Variants in CDH18 observed in about 807,000 individuals in gnomAD.
CDH18 encodes the protein cadherin-18.
In CDH18, 31 loss-of-function variants were observed where a neutral mutation model predicts 67.9. The observed-to-expected ratio is 0.46, with a 90% CI of 0.34 to 0.62. The LOEUF is 0.62. Ranked by LOEUF, CDH18 falls within the 20% of genes least tolerant of loss-of-function variation. The pLI, the probability that CDH18 is intolerant of heterozygous loss-of-function variation, is 0.01. For missense variants in CDH18, 890 were observed against 975.5 expected (o/e 0.91, Z 1.17); for synonymous variants, 362 against 347.2 (o/e 1.04, Z -0.48).
chr5:19,845,334 C>T (rs867958764), intron 2 of CDH18, among the ~76,000 whole-genome samples: 7 of 152,138 alleles, frequency 4.6e-5, no homozygotes, highest in Middle Eastern at 3.4e-3. Context: ...GTTTTTATTT[C>T]GCTATTTATT....
intron 1 of CDH18, among the ~76,000 whole-genome samples, chr5:20,468,126 T>C (rs149814652): frequency 0.012 from 1,762 of 152,178 alleles, 33 homozygotes; most frequent in African/African-American, 0.04. Flanking sequence ...GTGAATCTCC[T>C]GCCTTAGCCT....
intron 2 of CDH18, among the ~76,000 whole-genome samples, chr5:19,934,872 C>T (rs1403790343): frequency 6.6e-6 from 1 of 151,186 alleles, no homozygotes. Flanking sequence ...TTATTTTATC[C>T]TAAGTCCTGA....
At chr5:19,557,529 A>G in intron 8 of CDH18, among the ~76,000 whole-genome samples, 1 of 152,124 alleles carries the variant, frequency 6.6e-6, no homozygotes, top group South Asian at 2.1e-4. Flanking sequence ...AGCAGTTAAA[A>G]AAGACAGAGG....
At chr5:19,630,731 C>T (rs1752303779) in intron 5 of CDH18, among the ~76,000 whole-genome samples, 1 of 152,072 alleles carries the variant, frequency 6.6e-6, no homozygotes, top group Non-Finnish European at 1.5e-5. Flanking sequence ...AAGAAAGTAA[C>T]ATAATGCAGA....
At chr5:19,686,920 A>T (rs1761173636) in intron 5 of CDH18, among the ~76,000 whole-genome samples, 1 of 152,194 alleles carries the variant, frequency 6.6e-6, no homozygotes, top group African/African-American at 2.4e-5. Flanking sequence ...TAGTTTCAAA[A>T]TGGCTGACTA....
rs1246739289 is a variant in CDH18, at chr5:20,393,384, TTTG to T, written c.-579-137882_-579-137880del. 6.6e-5 allele frequency among the ~76,000 whole-genome samples: 10 copies of T among 152,096 alleles called. No individual in the cohort carries two copies. The South Asian group carries it at 1.2e-3, about 19-fold the overall frequency. On this transcript the variant is annotated intron_variant, in intron 1 of 14. Transcript: ENST00000507958. ...ACATAGAATATGTTAATGAAAGGGTTTTGTTGTTGTTATTTTTTAAATAACTAA... is the reference window on the plus strand; with the variant it reads ...ACATAGAATATGTTAATGAAAGGGTTTTGTTGTTATTTTTTAAATAACTAA...
chr5:20,081,918 G>A (rs1216055767), intron 2 of CDH18, among the ~76,000 whole-genome samples: 2 of 152,012 alleles, frequency 1.3e-5, no homozygotes, highest in Non-Finnish European at 2.9e-5. Flanking sequence ...TTACAAACCT[G>A]AACATGTACC....
intron 4 of CDH18, among the ~76,000 whole-genome samples, chr5:19,724,512 TACACACACAC>T (rs34923644): frequency 5.0e-4 from 74 of 148,888 alleles, no homozygotes; most frequent in Admixed American, 1.6e-3. Context: ...CACACAGACA[TACACACACAC>T]ACACACACAC....
chr5:19,580,205 TG>T (rs1390499001), intron 7 of CDH18, among the ~76,000 whole-genome samples: 1 of 151,904 alleles, frequency 6.6e-6, no homozygotes, highest in Non-Finnish European at 1.5e-5. Context: ...ATAAATCCTT[TG>T]GCTGAATTTA....
intron 9 of CDH18, among the ~76,000 whole-genome samples, chr5:19,543,255 G>A (rs1298120438): frequency 1.3e-5 from 2 of 151,746 alleles, no homozygotes; most frequent in Non-Finnish European, 2.9e-5. Flanking sequence ...GAAGTATTAC[G>A]GATATATATT....
At chr5:20,075,596 T>C (rs1743858556) in intron 2 of CDH18, among the ~76,000 whole-genome samples, 1 of 152,100 alleles carries the variant, frequency 6.6e-6, no homozygotes, top group Non-Finnish European at 1.5e-5. Flanking sequence ...GCATTTTACG[T>C]CAAAAAAGAA....
intron 1 of CDH18, among the ~76,000 whole-genome samples, chr5:20,527,076 T>C (rs142140139): frequency 4.7e-4 from 71 of 152,164 alleles, no homozygotes; most frequent in Non-Finnish European, 8.8e-4. Context: ...AATTACCTGA[T>C]AGAGCTGAGA....
intron 7 of CDH18, among the ~76,000 whole-genome samples, chr5:19,589,756 C>T (rs1296957854): frequency 6.6e-6 from 1 of 152,066 alleles, no homozygotes; most frequent in South Asian, 2.1e-4. Flanking sequence ...ATTCCTCATT[C>T]CCTCTACTCT....
chr5:19,970,343 T>G (rs1797904896), intron 2 of CDH18, among the ~76,000 whole-genome samples: 1 of 151,748 alleles, frequency 6.6e-6, no homozygotes, highest in African/African-American at 2.4e-5. Context: ...TATTTATAAT[T>G]TGTTAATAAT....
intron 1 of CDH18, among the ~76,000 whole-genome samples, chr5:20,546,696 C>T (rs1403897854): frequency 6.6e-6 from 1 of 151,760 alleles, no homozygotes; most frequent in Admixed American, 6.6e-5. Flanking sequence ...GATTACAATT[C>T]AAGATGAGAT....
At chr5:19,626,375 A>T (rs1751548919) in intron 5 of CDH18, among the ~76,000 whole-genome samples, 1 of 152,202 alleles carries the variant, frequency 6.6e-6, no homozygotes, top group Non-Finnish European at 1.5e-5. Context: ...ACAACGCCAG[A>T]GAAAACATGG....
At chr5:20,363,722 T>G (rs556224303) in intron 1 of CDH18, among the ~76,000 whole-genome samples, 57 of 151,752 alleles carry the variant, frequency 3.8e-4, no homozygotes, top group African/African-American at 1.3e-3. Context: ...AAGTTAATTT[T>G]TTTTTTTTTT....
intron 8 of CDH18, among the ~76,000 whole-genome samples, chr5:19,552,507 C>T (rs416702): frequency 0.057 from 8,597 of 152,130 alleles, 263 homozygotes; most frequent in African/African-American, 0.076. Context: ...AGGGAGAAAA[C>T]GTTGAAATAG....
At chr5:19,638,622 A>C (rs1042473055) in intron 5 of CDH18, among the ~76,000 whole-genome samples, 20 of 151,854 alleles carry the variant, frequency 1.3e-4, no homozygotes, top group African/African-American at 4.8e-4. Context: ...GGTATCAGCA[A>C]GTGGAACAGT....
Sources: allele counts gnomAD v4.1 joint callset (sites outside exome capture counted in the v4.1 genomes callset), GRCh38; gene constraint gnomAD v4.1.1; transcripts MANE v1.5; gene names NCBI Gene and HGNC (gene_info 2026-07-23, HGNC 2026-07-21).